Variants in DHRS1 observed in about 807,000 individuals in gnomAD.
The protein encoded by DHRS1 is dehydrogenase/reductase 1.
Under a neutral mutation model 35.2 loss-of-function variants are expected in DHRS1, and 34 were observed. The ratio of observed to expected loss-of-function variants is 0.97; its 90% confidence interval spans 0.74 to 1.29. The LOEUF (loss-of-function observed/expected upper bound fraction) is 1.29. Among genes scored for constraint, DHRS1 ranks in the 50% most tolerant of loss-of-function variants. The pLI is 0.00. For missense variants in DHRS1, 354 were observed against 403.6 expected (o/e 0.88, Z 1.05); for synonymous variants, 133 against 160.0 (o/e 0.83, Z 1.27).
At chr14:24,294,950 A>G (rs1156876602) in intron 4 of DHRS1, among the ~76,000 whole-genome samples, 1 of 152,090 alleles carries the variant, frequency 6.6e-6, no homozygotes, top group Non-Finnish European at 1.5e-5. Context: ...TTGTCTTGAT[A>G]TAAAAAATTG....
intron 7 of DHRS1, 103 bp from the exon 8 acceptor site, chr14:24,291,322 G>T (rs1343327161): frequency 7.9e-7 from 1 of 1,273,010 alleles, no homozygotes; most frequent in Non-Finnish European, 1.1e-6. Context: ...CTGGAGCTCA[G>T]GATCCCTGGA....
chr14:24,295,429 T>C (rs1197438381), intron 4 of DHRS1, among the ~76,000 whole-genome samples: 4 of 152,188 alleles, frequency 2.6e-5, no homozygotes, highest in African/African-American at 9.7e-5. Context: ...TAAAGGAAAG[T>C]GCAGCCCAAG....
chr14:24,291,774 G>A (rs952897648), intron 6 of DHRS1, 149 bp from the exon 7 acceptor site: 4 of 782,958 alleles, frequency 5.1e-6, no homozygotes, highest in Non-Finnish European at 6.5e-6. Context: ...CCAAAGTATT[G>A]GCAGGTGCCA....
intron 4 of DHRS1, among the ~76,000 whole-genome samples, chr14:24,295,013 T>G (rs986305225): frequency 6.6e-6 from 1 of 152,210 alleles, no homozygotes; most frequent in Non-Finnish European, 1.5e-5. Flanking sequence ...CTTTAAAAAG[T>G]ACATATTCTT....
chr14:24,296,711 G>C, intron 3 of DHRS1, 27 bp downstream of exon 3: 1 of 1,614,158 alleles, frequency 6.2e-7, no homozygotes, highest in Non-Finnish European at 8.5e-7. Flanking sequence ...CAGAAATGTG[G>C]AGTTGGGAAC....
Position 24,290,884 on chromosome 14 carries a change from A to G in DHRS1, c.917T>C (p.Ile306Thr), listed in dbSNP as rs1407752932. The part of the protein sequence containing the change: ...PSFLRVPKWI[I>T]ALYTSKF ...TTAGAACTTGCTAGTGTAGAGGGCA[A>G]TAATCCACTTGGGCACACGGAGGAA... Residue 306 changes from isoleucine (I) to threonine (T), a missense_variant, in exon 9 of 9, where the codon ATT becomes ACT. Coordinates refer to ENST00000288111, the MANE Select transcript of DHRS1 (RefSeq NM_001136050.3). 1.1e-5 allele frequency: 18 copies of G among 1,613,748 alleles called. No homozygotes were observed. In the African/African-American group the frequency reaches 2.3e-4, roughly 20 times the overall value.
chr14:24,296,795 A>G lies in DHRS1; in HGVS notation c.237T>C (p.Asp79=). The G allele has an allele frequency of 6.2e-7, 1 of 1,614,198 alleles. No individual in the cohort carries two copies. Among genetic ancestry groups the G allele is most frequent in the Non-Finnish European group, 8.5e-7 (1 of 1,180,036 alleles). The change falls in exon 3 of 9, where the codon GAT becomes GAC. Residue 79 remains aspartate, a synonymous_variant. Coordinates refer to ENST00000288111, the MANE Select transcript of DHRS1 (RefSeq NM_001136050.3). ...CATCTAGACGCCCTTGCTGTTCCCG[A>G]TCCACTTGCTCAAACAGGCTTCGCA... is the stretch of plus-strand genomic sequence containing the variant. ...SEVRSLFEQV[D]REQQGRLDVL...
At position 24,298,760 on chromosome 14, in the gene DHRS1, T is replaced by C. The variant is rs1827773213; in HGVS notation, c.150+197A>G. ...ATGCCTGGCTCAAACACAAAGTTTT[T>C]TCATAAAACTCACTTGGCGGCAAAA... On this transcript the variant is annotated intron_variant, in intron 2 of 8. Coordinates refer to ENST00000288111, the MANE Select transcript of DHRS1 (RefSeq NM_001136050.3). The C allele has an allele frequency of 2.6e-5, 18 of 699,172 alleles. No individual in the cohort carries two copies. The South Asian group carries it at 3.5e-4, about 13-fold the overall frequency. The allele number at this position is 699,172 out of a possible 1,614,324, so 43.3% of individuals were successfully genotyped here.
rs201964073 is a variant in DHRS1, at chr14:24,292,758, C to G, written c.401G>C (p.Gly134Ala). The G allele has an allele frequency of 6.2e-7, 1 of 1,613,602 alleles. No individual in the cohort carries two copies. Among genetic ancestry groups the G allele is most frequent in the African/African-American group, 1.3e-5 (1 of 75,016 alleles). ...LRGHYFCSVYGARLMVPAGQG... is the reference protein window; with the variant it reads ...LRGHYFCSVYAARLMVPAGQG... ...GCCAGCTGGTACCATCAGCCGTGCC[C>G]CATACACTGAGCAAAAGTAGTGGCC... The change falls in exon 5 of 9, where the codon GGG becomes GCG. Residue 134 changes from glycine to alanine, a missense_variant. By Grantham distance (60) the Gly-to-Ala change is moderately conservative. Transcript: ENST00000288111.
chr14:24,299,031 G>A lies in DHRS1; in HGVS notation c.76C>T (p.Gln26Ter). The stretch of plus-strand genomic sequence containing the variant: ...ACTGTGGCGCCTGCTTTGCAGAGCT[G>A]CAAGGCAATGCCACGGCCAATACCC... ...SRGIGRGIAL[Q>*]LCKAGATVYI... Residue 26 changes from glutamine to a stop codon, truncating the protein, a stop_gained, in exon 2 of 9, where the codon CAG becomes TAG. Transcript: ENST00000288111. LOFTEE classifies it high-confidence loss of function. 6.2e-7 allele frequency: 1 copy of A among 1,614,110 alleles called. No homozygotes were observed. Among genetic ancestry groups the A allele is most frequent in the South Asian group, 1.1e-5 (1 of 91,084 alleles).
rs1400056356 is a variant in DHRS1 at position 24,292,319 on chromosome 14, C to T, written c.519G>A (p.Leu173=). The change falls in exon 6 of 9, where the codon CTG becomes CTA. Residue 173 remains leucine (L), a synonymous_variant. Coordinates refer to ENST00000288111, the MANE Select transcript of DHRS1 (RefSeq NM_001136050.3). ...YGVGKAACDK[L]AADCAHELRR... is the part of the protein sequence containing the mutation. The stretch of plus-strand genomic sequence containing the variant: ...GCAGCTCGTGGGCACAGTCAGCAGC[C>T]AGCTTGTCACACTGTGGAGAGGCGG... 6.2e-7 allele frequency: 1 copy of T among 1,614,086 alleles called. No individual in the cohort carries two copies.
rs1439510697 is a variant in DHRS1 at position 24,298,978 on chromosome 14, G to T, written c.129C>A (p.Thr43=). 1 of 1,612,236 alleles carries T rather than the reference G, an allele frequency of 6.2e-7. No individual in the cohort carries two copies. Among genetic ancestry groups the T allele is most frequent in the East Asian group, 2.2e-5 (1 of 44,822 alleles). The change falls in exon 2 of 9, where the codon ACC becomes ACA. Residue 43 remains threonine, a synonymous_variant. Coordinates refer to ENST00000288111, the MANE Select transcript of DHRS1 (RefSeq NM_001136050.3). ...TCACCTCCTGAGCAACAACGCGAAG[G>T]GTGTCCAGATGGCGGCCAGTGATGT... ...TVYITGRHLD[T]LRVVAQEAQS...
chr14:24,294,272 A>G (rs1184606677), intron 4 of DHRS1: 3 of 152,108 alleles, frequency 2.0e-5, no homozygotes, highest in African/African-American at 7.2e-5. Context: ...ACAAAGATAC[A>G]TGTATATTTC....
chr14:24,292,895 C>T, intron 4 of DHRS1, 111 bp from the exon 5 acceptor site: 2 of 1,415,580 alleles, frequency 1.4e-6, no homozygotes, highest in East Asian at 2.5e-5. Flanking sequence ...ACTAGGAAGG[C>T]TACACAGGGT....
At chr14:24,297,376 T>C (rs1414719703) in intron 2 of DHRS1, among the ~76,000 whole-genome samples, 1 of 152,198 alleles carries the variant, frequency 6.6e-6, no homozygotes, top group Non-Finnish European at 1.5e-5. Context: ...CCATGAATGA[T>C]TTCTACTTCC....
At chr14:24,298,933 T>C (rs753513434) in intron 2 of DHRS1, 24 bp downstream of exon 2, 2 of 1,588,144 alleles carry the variant, frequency 1.3e-6, no homozygotes, top group South Asian at 1.1e-5. Flanking sequence ...TTTCTGCAAC[T>C]GTGGTCCCAG....
At position 24,292,659 on chromosome 14, in the gene DHRS1, T is replaced by C; in HGVS notation, c.500A>G (p.Lys167Arg). 6.2e-7 allele frequency: 1 copy of C among 1,614,218 alleles called. No homozygotes were observed. The highest frequency in any genetic ancestry group is 8.5e-7 in the Non-Finnish European group (1 of 1,180,046). Residue 167 changes from lysine (K) to arginine (R), a missense_variant, in exon 5 of 9, where the codon AAA becomes AGA. Coordinates refer to ENST00000288111, the MANE Select transcript of DHRS1 (RefSeq NM_001136050.3). ...YMFNVPYGVG[K>R]AACDKLAADC... ...ATGCCACTGGGTCCTCACCGCAGCT[T>C]TGCCCACACCATAGGGGACATTGAA...
chr14:24,291,742 C>A, intron 6 of DHRS1, 117 bp from the exon 7 acceptor site: 1 of 1,110,894 alleles, frequency 9.0e-7, no homozygotes, highest in Non-Finnish European at 1.4e-6. Flanking sequence ...AGGCCAAAGA[C>A]CTCAAGCAGG....
intron 4 of DHRS1, among the ~76,000 whole-genome samples, 175 bp downstream of exon 4, chr14:24,296,334 T>TA (rs1211358297): frequency 6.6e-6 from 1 of 152,064 alleles, no homozygotes; most frequent in Non-Finnish European, 1.5e-5. Context: ...CATTCTCAGG[T>TA]ACAGACTCAC....
Sources: gnomAD v4.1 joint callset for allele counts (sites outside exome capture counted in the v4.1 genomes callset) on GRCh38, gnomAD v4.1.1 for gene constraint, MANE v1.5 for transcripts, NCBI Gene and HGNC (gene_info 2026-07-23, HGNC 2026-07-21) for gene names.